ADCY8: variants seen among roughly 807,000 people sequenced by gnomAD.
ADCY8 encodes the protein adenylate cyclase 8, also known as adenylate cyclase type 8.
ADCY8 carries 51 observed loss-of-function variants against 119.7 expected under a neutral mutation model. The ratio of observed to expected loss-of-function variants is 0.43; its 90% confidence interval spans 0.34 to 0.54. ADCY8 has a LOEUF of 0.54. Ranked by LOEUF, ADCY8 falls within the 20% of genes least tolerant of loss-of-function variation. ADCY8 has a pLI of 0.03. For missense variants in ADCY8, 1,383 were observed against 1,598.8 expected, an observed-to-expected ratio of 0.87 and a Z score of 2.30; for synonymous variants, 665 against 651.0, an observed-to-expected ratio of 1.02 and a Z score of -0.33.
intron 14 of ADCY8, among the ~76,000 whole-genome samples, chr8:130,801,336 C>T (rs561088401): frequency 1.3e-5 from 2 of 152,118 alleles, no homozygotes; most frequent in African/African-American, 4.8e-5. Context: ...GGTGACTTAC[C>T]TCTGTTCCAA....
rs113120943 is a variant in ADCY8, at chr8:130,839,368, C to A, written c.2503-2919G>T. ...CCACTGCCTTGCATGGTTTAGGTAA[C>A]TTTTTACTTTAAAGTAGAAAGGTGA... On this transcript the variant is annotated intron_variant, in intron 11 of 17. Coordinates refer to ENST00000286355, the MANE Select transcript of ADCY8 (RefSeq NM_001115.3). 9.3e-5 allele frequency among the ~76,000 whole-genome samples: 13 copies of A among 139,646 alleles called. 3 individuals are homozygous for A. The highest frequency in any genetic ancestry group is 1.9e-4 in the Non-Finnish European group (12 of 61,840). 91.6% of individuals were successfully genotyped at this position (139,646 alleles called of 152,430 possible).
At chr8:130,955,595 T>G (rs949554625) in intron 2 of ADCY8, among the ~76,000 whole-genome samples, 1 of 152,076 alleles carries the variant, frequency 6.6e-6, no homozygotes, top group African/African-American at 2.4e-5. Context: ...TAAAACAGAA[T>G]AGTACAGTTA....
chr8:130,912,014 C>T (rs1197193373), intron 5 of ADCY8, among the ~76,000 whole-genome samples: 1 of 152,100 alleles, frequency 6.6e-6, no homozygotes, highest in Non-Finnish European at 1.5e-5. Flanking sequence ...ACCTTGTGTT[C>T]CTTCTTTCCT....
intron 1 of ADCY8, among the ~76,000 whole-genome samples, chr8:131,019,287 T>C (rs1470658192): frequency 6.6e-6 from 1 of 152,194 alleles, no homozygotes; most frequent in Non-Finnish European, 1.5e-5. Flanking sequence ...AAAATTTGTG[T>C]TTGCTTCTTT....
chr8:130,813,833 A>T (rs1816251348), intron 14 of ADCY8, among the ~76,000 whole-genome samples: 1 of 152,212 alleles, frequency 6.6e-6, no homozygotes, highest in Admixed American at 6.5e-5. Flanking sequence ...GCATATGCAC[A>T]TACAACTTTA....
chr8:130,903,462 TG>T (rs752736051), intron 7 of ADCY8, among the ~76,000 whole-genome samples: 6,839 of 90,980 alleles, frequency 0.075, 511 homozygotes, highest in African/African-American at 0.22. Context: ...CCAACATGAG[TG>T]GTTTTTTTTT....
chr8:130,990,312 T>G (rs1025719518), intron 2 of ADCY8, 81 bp downstream of exon 2: 3 of 1,519,814 alleles, frequency 2.0e-6, no homozygotes, highest in African/African-American at 2.8e-5. Context: ...TCAGGACGTG[T>G]TTGGGAGTAA....
intron 11 of ADCY8, among the ~76,000 whole-genome samples, chr8:130,837,107 C>T (rs1032445574): frequency 2.0e-5 from 3 of 152,106 alleles, no homozygotes; most frequent in Non-Finnish European, 4.4e-5. Flanking sequence ...TCACCAACAG[C>T]TCTAGAATAG....
At chr8:131,009,317 G>A (rs2130777013) in intron 1 of ADCY8, among the ~76,000 whole-genome samples, 1 of 152,310 alleles carries the variant, frequency 6.6e-6, no homozygotes, top group South Asian at 2.1e-4. Context: ...CCCAGTCATG[G>A]CTAAAAGGGG....
chr8:131,036,910 A>T (rs1472407483), intron 1 of ADCY8, among the ~76,000 whole-genome samples: 1 of 152,188 alleles, frequency 6.6e-6, no homozygotes, highest in African/African-American at 2.4e-5. Context: ...CTGTGGTAAG[A>T]AGTTAGGATT....
At chr8:130,855,743 C>T (rs567770258) in intron 9 of ADCY8, among the ~76,000 whole-genome samples, 1 of 152,250 alleles carries the variant, frequency 6.6e-6, no homozygotes, top group South Asian at 2.1e-4. Context: ...TCCAGCCAGT[C>T]ACTGTGAACC....
At chr8:130,995,857 G>A (rs781101275) in intron 1 of ADCY8, among the ~76,000 whole-genome samples, 21 of 152,008 alleles carry the variant, frequency 1.4e-4, no homozygotes, top group Non-Finnish European at 2.4e-4. Flanking sequence ...CCTATCTGCC[G>A]CACTGGATTG....
chr8:130,927,209 C>T (rs574388533), intron 5 of ADCY8, among the ~76,000 whole-genome samples: 4 of 152,208 alleles, frequency 2.6e-5, no homozygotes, highest in Non-Finnish European at 5.9e-5. Context: ...ACATTTCCAC[C>T]GGCAGTGTTC....
At chr8:130,926,163 T>A (rs1820460186) in intron 5 of ADCY8, among the ~76,000 whole-genome samples, 1 of 152,162 alleles carries the variant, frequency 6.6e-6, no homozygotes, top group South Asian at 2.1e-4. Context: ...TACAAACACA[T>A]ATAAACACAC....
At chr8:131,006,696 A>G (rs1823129616) in intron 1 of ADCY8, among the ~76,000 whole-genome samples, 3 of 152,168 alleles carry the variant, frequency 2.0e-5, no homozygotes, top group Admixed American at 2.0e-4. Flanking sequence ...GCTGGGCAAC[A>G]TTGATAAAAA....
At chr8:130,965,747 A>G (rs1161084360) in intron 2 of ADCY8, among the ~76,000 whole-genome samples, 1 of 152,222 alleles carries the variant, frequency 6.6e-6, no homozygotes, top group Non-Finnish European at 1.5e-5. Context: ...CATTATTTCA[A>G]AAGAATAGAT....
intron 8 of ADCY8, among the ~76,000 whole-genome samples, chr8:130,880,043 A>T (rs1415645206): frequency 6.6e-6 from 1 of 152,130 alleles, no homozygotes. Flanking sequence ...TCCCTGCACA[A>T]GCTCTCTCTT....
In ADCY8 at chr8:130,787,909, A is replaced by C. The variant is rs1369897199; in HGVS notation, c.3061-2434T>G. Among the ~76,000 whole-genome samples the C allele has an allele frequency of 2.6e-5, 4 of 152,218 alleles. No individual in the cohort carries two copies. In the East Asian group the frequency reaches 7.7e-4, roughly 29 times the overall value. ...TTTATATGTGTGTCCACATGTGTGC[A>C]TGTGTGTGTGCGTTTGTGTTCGGGG... is the stretch of plus-strand genomic sequence containing the variant. On this transcript the variant is annotated intron_variant, in intron 15 of 17. Coordinates refer to ENST00000286355, the MANE Select transcript of ADCY8 (RefSeq NM_001115.3).
Position 130,814,079 on chromosome 8 carries a change from C to T in ADCY8, c.2903G>A (p.Arg968Gln), listed in dbSNP as rs374456387. The change falls in exon 14 of 18, where the codon CGA becomes CAA. Residue 968 changes from arginine to glutamine, a missense_variant. This residue lies in a region of ADCY8 where 928 missense variants were observed against 1,163.5 expected (regional missense o/e 0.80). Transcript: ENST00000286355. ...CAGCCCCTGGCTCACCTCATTGTCT[C>T]GGTCCTTCTCTAGGAAATGGCGGGC... ...HVARHFLEKD[R>Q]DNEELYSQSY... 1.0e-4 allele frequency: 169 copies of T among 1,614,002 alleles called. No individual in the cohort carries two copies. Among genetic ancestry groups the T allele is most frequent in the Non-Finnish European group, 1.1e-4 (130 of 1,180,030 alleles).
Sources: allele counts gnomAD v4.1 joint callset (sites outside exome capture counted in the v4.1 genomes callset), GRCh38; gene constraint gnomAD v4.1.1; regional missense constraint gnomAD v4.1.1; transcripts MANE v1.5; gene names NCBI Gene and HGNC (gene_info 2026-07-23, HGNC 2026-07-21).